MAP2K5: variants seen among roughly 807,000 people sequenced by gnomAD.
The protein encoded by MAP2K5 is mitogen-activated protein kinase kinase 5.
In MAP2K5, 49 loss-of-function variants were observed where a neutral mutation model predicts 83.1. That is an observed-to-expected ratio of 0.59 (90% CI 0.47 to 0.75). The LOEUF is 0.75. Ranked by LOEUF, MAP2K5 falls within the 30% of genes least tolerant of loss-of-function variation. The probability of loss-of-function intolerance (pLI) is 0.00; values close to 1 mark genes in which losing one functional copy is unlikely to be tolerated. For synonymous variants in MAP2K5, 202 were observed against 191.8 expected (o/e 1.05, Z -0.44); for missense variants, 457 against 557.5 (o/e 0.82, Z 1.82).
intron 3 of MAP2K5, among the ~76,000 whole-genome samples, chr15:67,579,237 A>G (rs1435203306): frequency 6.6e-6 from 1 of 152,058 alleles, no homozygotes; most frequent in Non-Finnish European, 1.5e-5. Flanking sequence ...TGGCATCTTA[A>G]TTTTCCATGG....
In MAP2K5 at chr15:67,697,571, A is replaced by G. The variant is rs551294324; in HGVS notation, c.972+4003A>G. Among the ~76,000 whole-genome samples the G allele has an allele frequency of 3.9e-5, 6 of 152,264 alleles. No homozygotes were observed. In the South Asian group the frequency reaches 8.3e-4, roughly 21 times the overall value. On this transcript the variant is annotated intron_variant, in intron 15 of 21. Coordinates refer to ENST00000178640, the MANE Select transcript of MAP2K5 (RefSeq NM_145160.3). Reference sequence around the variant, plus strand: ...CACAGTGGCAAGATTTATTCTGCTCACTCTATATATCCAGTACCTCACACA... The same window carrying G: ...CACAGTGGCAAGATTTATTCTGCTCGCTCTATATATCCAGTACCTCACACA...
At position 67,705,301 on chromosome 15, in the gene MAP2K5, G is replaced by A. The variant is rs553268860; in HGVS notation, c.1044+1893G>A. 7.9e-5 allele frequency among the ~76,000 whole-genome samples: 12 copies of A among 152,336 alleles called. No homozygotes were observed. The South Asian group carries it at 1.7e-3, about 21-fold the overall frequency. ...GCCTGCTGTATAGGCAATGGGGATA[G>A]AGTAAGGAAAAGACACTCAAGTCTT... On this transcript the variant is annotated intron_variant, in intron 16 of 21. Coordinates refer to ENST00000178640, the MANE Select transcript of MAP2K5 (RefSeq NM_145160.3).
chr15:67,549,188 A>G, intron 1 of MAP2K5: 2 of 1,535,602 alleles, frequency 1.3e-6, no homozygotes, highest in East Asian at 2.4e-5. Flanking sequence ...GACATGATGG[A>G]GGGTCACTTT....
intron 21 of MAP2K5, among the ~76,000 whole-genome samples, chr15:67,804,727 A>G (rs1342881869): frequency 2.0e-5 from 3 of 152,006 alleles, no homozygotes; most frequent in Non-Finnish European, 1.5e-5. Flanking sequence ...GCGTGGGGGG[A>G]GGGGCCCGTC....
rs550260021 is a variant in MAP2K5 at position 67,643,322 on chromosome 15, A to G, written c.586-2909A>G. ...TTGTTGGTAAGTTTTACACAAAAAC[A>G]AAAATGTAAGTGAATATTGTTGGCA... On this transcript the variant is annotated intron_variant, in intron 9 of 21. Transcript: ENST00000178640. Among the ~76,000 whole-genome samples, 10 of 152,396 alleles carry G rather than the reference A, an allele frequency of 6.6e-5. No homozygotes were observed. The South Asian group carries it at 1.9e-3, about 28-fold the overall frequency.
At position 67,722,351 on chromosome 15, in the gene MAP2K5, CTT is replaced by C. The variant is rs200075045; in HGVS notation, c.1045-5551_1045-5550del. On this transcript the variant is annotated intron_variant, in intron 16 of 21. Transcript: ENST00000178640. This position sits in a 1 kb window ranked among gnomAD's most constrained non-coding sequence, Gnocchi z 4.2. ...CAGAAGATTAAATTAATTTGTAACT[CTT>C]TTTTTTTTTTTTTGGTCCTGCATTA... Among the ~76,000 whole-genome samples the C allele has an allele frequency of 7.5e-4, 106 of 141,344 alleles. No individual in the cohort carries two copies. The highest frequency in any genetic ancestry group is 7.2e-4 in the African/African-American group (28 of 38,930). 92.7% of individuals were successfully genotyped at this position (141,344 alleles called of 152,430 possible). A position where few individuals can be genotyped will look rare whatever the true frequency, so the allele number is the denominator to read the frequency against.
chr15:67,805,217 C>T (rs1010983150), intron 21 of MAP2K5, among the ~76,000 whole-genome samples: 3 of 152,234 alleles, frequency 2.0e-5, no homozygotes, highest in Non-Finnish European at 4.4e-5. Context: ...CTGAGATAGA[C>T]CCACGCAGGG....
At chr15:67,753,981 A>G (rs537142718) in intron 19 of MAP2K5, among the ~76,000 whole-genome samples, 6 of 152,270 alleles carry the variant, frequency 3.9e-5, no homozygotes, top group Non-Finnish European at 8.8e-5. Context: ...TATAAATAGG[A>G]ATGAAGTACT....
intron 8 of MAP2K5, among the ~76,000 whole-genome samples, chr15:67,612,412 G>A (rs2085946359): frequency 1.3e-5 from 2 of 152,118 alleles, no homozygotes; most frequent in African/African-American, 4.8e-5. Context: ...ATCTCATAAA[G>A]AACATTGGTG....
intron 21 of MAP2K5, among the ~76,000 whole-genome samples, chr15:67,787,809 C>T (rs1224119580): frequency 1.3e-5 from 2 of 152,132 alleles, no homozygotes; most frequent in African/African-American, 4.8e-5. Flanking sequence ...CACATGTTGA[C>T]CTAACTGTAG....
chr15:67,669,723 G>C (rs1401029464), intron 13 of MAP2K5, among the ~76,000 whole-genome samples: 2 of 152,082 alleles, frequency 1.3e-5, no homozygotes, highest in African/African-American at 2.4e-5. Flanking sequence ...CGTCAAGGTT[G>C]CTTAAATTGT....
rs556215987 is a variant in MAP2K5, at chr15:67,589,527, C to T, written c.431+2614C>T. 2.6e-5 allele frequency among the ~76,000 whole-genome samples: 4 copies of T among 152,314 alleles called. No homozygotes were observed. The South Asian group carries it at 8.3e-4, about 32-fold the overall frequency. ...GATGATTAAACTTTCCATCTATCTA[C>T]TGCTGGTGTTAGAAAGATTGATGAA... On this transcript the variant is annotated intron_variant, in intron 6 of 21. Transcript: ENST00000178640.
chr15:67,586,082 G>A (rs2085282957), intron 5 of MAP2K5, 152 bp downstream of exon 5: 3 of 699,964 alleles, frequency 4.3e-6, no homozygotes, highest in South Asian at 1.6e-5. Flanking sequence ...GGATTCATCT[G>A]TAGTATTTGC....
rs2089668346 is a variant in MAP2K5 at position 67,749,173 on chromosome 15, A to G, written c.1134+572A>G. 6.6e-6 allele frequency among the ~76,000 whole-genome samples: 1 copy of G among 152,152 alleles called. No homozygotes were observed. Among genetic ancestry groups the G allele is most frequent in the Non-Finnish European group, 1.5e-5 (1 of 68,014 alleles). On this transcript the variant is annotated intron_variant, in intron 19 of 21. Transcript: ENST00000178640. This position sits in a 1 kb window ranked among gnomAD's most constrained non-coding sequence, Gnocchi z 4.6. ...GTATTCTCACATTTTAATTGAGCTTACTTCTGATCATCCTTATCCATTGAA... is the reference window on the plus strand; with the variant it reads ...GTATTCTCACATTTTAATTGAGCTTGCTTCTGATCATCCTTATCCATTGAA...
rs904608800 is a variant in MAP2K5, at chr15:67,770,387, G to T, written c.1196+724G>T. Among the ~76,000 whole-genome samples, 1 of 152,134 alleles carries T rather than the reference G, an allele frequency of 6.6e-6. No individual in the cohort carries two copies. Among genetic ancestry groups the T allele is most frequent in the African/African-American group, 2.4e-5 (1 of 41,420 alleles). On this transcript the variant is annotated intron_variant, in intron 20 of 21. Transcript: ENST00000178640. This position sits in a 1 kb window ranked among gnomAD's most constrained non-coding sequence, Gnocchi z 5.0. ...ATTCCCCTCTTCCCTCGTCCTGCAG[G>T]ACTCATGTGGCCTTGGGAGGCCCAG...
At chr15:67,679,327 G>C (rs934949165) in intron 13 of MAP2K5, among the ~76,000 whole-genome samples, 3 of 152,100 alleles carry the variant, frequency 2.0e-5, no homozygotes, top group Non-Finnish European at 4.4e-5. Context: ...GGCAGTTATG[G>C]GTGGCAACAT....
intron 5 of MAP2K5, 56 bp from the exon 6 acceptor site, chr15:67,586,790 A>C (rs2085301011): frequency 1.3e-6 from 2 of 1,526,012 alleles, no homozygotes; most frequent in Non-Finnish European, 9.1e-7. Flanking sequence ...TTATAGGTTA[A>C]TTAGAACTGT....
rs1158795631 is a variant in MAP2K5, at chr15:67,783,089, C to T, written c.1242+10337C>T. Among the ~76,000 whole-genome samples, 5 of 152,192 alleles carry T rather than the reference C, an allele frequency of 3.3e-5. No homozygotes were observed. Among genetic ancestry groups the T allele is most frequent in the African/African-American group, 9.7e-5 (4 of 41,434 alleles). On this transcript the variant is annotated intron_variant, in intron 21 of 21. Coordinates refer to ENST00000178640, the MANE Select transcript of MAP2K5 (RefSeq NM_145160.3). The surrounding 1 kb of genome is among the most constrained non-coding windows in gnomAD (Gnocchi z 5.1). ...ACTGTTGTGAGACATGGAGAGAAGC[C>T]GATGTGGGAATCACAGATGTGCATT...
Position 67,727,908 on chromosome 15 carries a change from T to C in MAP2K5, c.1045-8T>C. Reference sequence around the variant, plus strand: ...CTATAACTAGACAAATATTATTTCCTTTCCCAGCTTGCTCTTGGGAGGTTT... The same window carrying C: ...CTATAACTAGACAAATATTATTTCCCTTCCCAGCTTGCTCTTGGGAGGTTT... On this transcript the variant is annotated splice_region_variant and splice_polypyrimidine_tract_variant and intron_variant, in intron 16 of 21. Transcript: ENST00000178640. The C allele has an allele frequency of 6.2e-7, 1 of 1,609,202 alleles. No individual in the cohort carries two copies. The highest frequency in any genetic ancestry group is 1.3e-5 in the African/African-American group (1 of 74,964).
Sources: gnomAD v4.1 joint callset for allele counts (sites outside exome capture counted in the v4.1 genomes callset) on GRCh38, gnomAD v4.1.1 for gene constraint, Gnocchi (gnomAD v3.1) non-coding constraint, MANE v1.5 for transcripts, NCBI Gene and HGNC (gene_info 2026-07-23, HGNC 2026-07-21) for gene names.